Variants in WARS2 observed in about 807,000 individuals in gnomAD.
WARS2 encodes the protein tryptophanyl tRNA synthetase 2, mitochondrial.
WARS2 carries 28 observed loss-of-function variants against 36.5 expected under a neutral mutation model. The ratio of observed to expected loss-of-function variants is 0.77; its 90% CI spans 0.57 to 1.05. WARS2 has a LOEUF of 1.05. Among genes scored for constraint, WARS2 ranks in the 50% least tolerant of loss-of-function variants. WARS2 has a pLI of 0.00. For synonymous variants in WARS2, 174 were observed against 178.4 expected (o/e 0.98, Z 0.20); for missense variants, 435 against 456.8 (o/e 0.95, Z 0.44).
chr1:119,094,680 TTTG>T (rs1653288049), intron 1 of WARS2, among the ~76,000 whole-genome samples: 1 of 152,180 alleles, frequency 6.6e-6, no homozygotes, highest in Admixed American at 6.5e-5. Flanking sequence ...ATCAATTTCT[TTTG>T]TTTTTATGTC....
At chr1:119,121,447 TG>T (rs1655320011) in intron 1 of WARS2, among the ~76,000 whole-genome samples, 1 of 151,982 alleles carries the variant, frequency 6.6e-6, no homozygotes, top group African/African-American at 2.4e-5. Flanking sequence ...GAATCAATAT[TG>T]TAAAAATGAC....
At chr1:119,072,838 CT>C (rs67823488) in intron 2 of WARS2, among the ~76,000 whole-genome samples, 61,766 of 151,882 alleles carry the variant, frequency 0.41, 13,220 homozygotes, top group African/African-American at 0.51. Flanking sequence ...TGTGTGGTAT[CT>C]GCTTTGAAAT....
chr1:119,070,985 C>A (rs1651262304), intron 2 of WARS2, among the ~76,000 whole-genome samples: 1 of 152,032 alleles, frequency 6.6e-6, no homozygotes, highest in Admixed American at 6.5e-5. Flanking sequence ...GAGTTCGAGA[C>A]CAGCCTGGCC....
At chr1:119,125,188 C>T (rs936460901) in intron 1 of WARS2, among the ~76,000 whole-genome samples, 1 of 152,180 alleles carries the variant, frequency 6.6e-6, no homozygotes, top group African/African-American at 2.4e-5. Context: ...CACCTCATGG[C>T]TTTTCCATTC....
intron 1 of WARS2, among the ~76,000 whole-genome samples, chr1:119,098,644 G>A (rs587755258): frequency 1.5e-3 from 226 of 152,166 alleles, no homozygotes; most frequent in African/African-American, 5.2e-3. Flanking sequence ...TTCCCATGTT[G>A]GCCAGACTAG....
chr1:119,073,466 T>A (rs1481975677), intron 2 of WARS2, among the ~76,000 whole-genome samples: 1 of 152,166 alleles, frequency 6.6e-6, no homozygotes. Context: ...ACAAATTGTA[T>A]AATGTAGGCA....
intron 1 of WARS2, among the ~76,000 whole-genome samples, chr1:119,107,671 AAGAGAGAGAGAG>A (rs61528583): frequency 4.0e-5 from 6 of 149,672 alleles, no homozygotes; most frequent in Non-Finnish European, 7.4e-5. Context: ...TAGAAAAAGA[AAGAGAGAGAGAG>A]AGAGAGAGAG....
chr1:119,067,785 T>C (rs1650991875), intron 2 of WARS2, among the ~76,000 whole-genome samples: 1 of 152,046 alleles, frequency 6.6e-6, no homozygotes, highest in Admixed American at 6.6e-5. Flanking sequence ...AGATTCAAGC[T>C]GAGTATGTCT....
chr1:119,122,978 G>C (rs1486398861), intron 1 of WARS2, among the ~76,000 whole-genome samples: 1 of 152,130 alleles, frequency 6.6e-6, no homozygotes, highest in Non-Finnish European at 1.5e-5. Flanking sequence ...AAAAATGTAG[G>C]AGTTCTTAAC....
intron 2 of WARS2, among the ~76,000 whole-genome samples, chr1:119,072,845 GAAA>G (rs772476957): frequency 2.6e-5 from 4 of 152,058 alleles, no homozygotes; most frequent in Non-Finnish European, 4.4e-5. Flanking sequence ...TATCTGCTTT[GAAA>G]TACTTCAACA....
At chr1:119,085,483 G>C in intron 1 of WARS2, 2 of 1,562,410 alleles carry the variant, frequency 1.3e-6, no homozygotes, top group Non-Finnish European at 1.7e-6. Flanking sequence ...CTTTTTTTGC[G>C]CTTTTTTGTT....
rs587689139 is a variant in WARS2, at chr1:119,126,809, C to T, written c.90+13746G>A. 9.4e-6 allele frequency: 7 copies of T among 741,150 alleles called. No individual in the cohort carries two copies. In the East Asian group the frequency reaches 1.7e-4, roughly 18 times the overall value. The allele number at this position is 741,150 out of a possible 1,614,324, so 45.9% of individuals were successfully genotyped here. A position where few individuals can be genotyped will look rare whatever the true frequency, so the allele number is the denominator to read the frequency against. On this transcript the variant is annotated intron_variant, in intron 1 of 5. Transcript: ENST00000235521. ...CCTCTTTCCAGTCATTTGTCTGTACCTCTCAGGTCATGATTTCCATCATCT... is the reference window on the plus strand; with the variant it reads ...CCTCTTTCCAGTCATTTGTCTGTACTTCTCAGGTCATGATTTCCATCATCT...
chr1:119,140,019 T>C (rs912732970), intron 1 of WARS2: 3 of 152,516 alleles, frequency 2.0e-5, no homozygotes, highest in Non-Finnish European at 4.4e-5. Context: ...GCCTGCTAGA[T>C]AGAGCAGTGC....
chr1:119,036,766 T>TAA (rs1350324173), intron 4 of WARS2, among the ~76,000 whole-genome samples: 1 of 152,232 alleles, frequency 6.6e-6, no homozygotes, highest in Admixed American at 6.5e-5. Flanking sequence ...GCCTCTTTTT[T>TAA]AACAATTCTG....
At chr1:119,129,780 G>T (rs1163087372) in intron 1 of WARS2, among the ~76,000 whole-genome samples, 2 of 151,754 alleles carry the variant, frequency 1.3e-5, no homozygotes, top group Admixed American at 1.3e-4. Context: ...ATATGATATA[G>T]CACAATTAAA....
At chr1:119,059,810 T>C (rs945919893) in intron 2 of WARS2, among the ~76,000 whole-genome samples, 6 of 152,214 alleles carry the variant, frequency 3.9e-5, no homozygotes, top group African/African-American at 1.4e-4. Context: ...CTGGAGGCCA[T>C]TATCCTTAGC....
At chr1:119,072,960 G>T (rs1651438134) in intron 2 of WARS2, among the ~76,000 whole-genome samples, 1 of 151,990 alleles carries the variant, frequency 6.6e-6, no homozygotes, top group African/African-American at 2.4e-5. Flanking sequence ...TTTGATACCA[G>T]CCTGGACAAC....
chr1:119,063,759 A>C (rs2101229872), intron 2 of WARS2: 1 of 152,368 alleles, frequency 6.6e-6, no homozygotes, highest in East Asian at 1.9e-4. Flanking sequence ...GAAGTCAAGA[A>C]CTGAGGTTTG....
chr1:119,078,231 T>C lies in WARS2; in HGVS notation c.91-1624A>G, dbSNP rs587672264. 3.9e-5 allele frequency among the ~76,000 whole-genome samples: 6 copies of C among 152,334 alleles called. No homozygotes were observed. The South Asian group carries it at 8.3e-4, about 21-fold the overall frequency. On this transcript the variant is annotated intron_variant, in intron 1 of 5. Coordinates refer to ENST00000235521, the MANE Select transcript of WARS2 (RefSeq NM_015836.4). Reference sequence around the variant, plus strand: ...TATTAAGACTTTATTATATTCATTGTATTAATTTTGCAACTTTTCAGTCAG... The same window carrying C: ...TATTAAGACTTTATTATATTCATTGCATTAATTTTGCAACTTTTCAGTCAG...
Sources: gnomAD v4.1 joint callset for allele counts (sites outside exome capture counted in the v4.1 genomes callset) on GRCh38, gnomAD v4.1.1 for gene constraint, MANE v1.5 for transcripts, NCBI Gene and HGNC (gene_info 2026-07-23, HGNC 2026-07-21) for gene names.